Variants in TRAPPC9 observed in about 807,000 individuals in gnomAD.
TRAPPC9 encodes the protein trafficking protein particle complex subunit 9, also known as IKK2 binding protein.
A neutral mutation model predicts 124.0 loss-of-function variants in TRAPPC9; 83 were observed. The observed-to-expected ratio is 0.67, with a 90% CI of 0.56 to 0.80. The LOEUF is 0.80. Among genes scored for constraint, TRAPPC9 ranks in the 30% least tolerant of loss-of-function variants. TRAPPC9 has a pLI of 0.00. For missense variants in TRAPPC9, 1,302 were observed against 1,508.3 expected (o/e 0.86, Z 2.27); for synonymous variants, 638 against 617.5 (o/e 1.03, Z -0.49).
intron 17 of TRAPPC9, among the ~76,000 whole-genome samples, chr8:140,191,182 A>G (rs1277419809): frequency 1.3e-5 from 2 of 152,222 alleles, no homozygotes; most frequent in Non-Finnish European, 2.9e-5. Flanking sequence ...AGGGCCGACA[A>G]CGTGCCAGAT....
chr8:140,370,160 G>A (rs893259906), intron 8 of TRAPPC9, among the ~76,000 whole-genome samples: 1 of 150,416 alleles, frequency 6.6e-6, no homozygotes, highest in African/African-American at 2.4e-5. Context: ...GTTTTTTTTA[G>A]ATAAGGTCTT....
At chr8:139,827,099 G>C (rs1825692271) in intron 21 of TRAPPC9, among the ~76,000 whole-genome samples, 1 of 152,198 alleles carries the variant, frequency 6.6e-6, no homozygotes, top group Non-Finnish European at 1.5e-5. Flanking sequence ...TCTCACACCT[G>C]TTTGCCCATT....
At chr8:140,414,580 T>C (rs1173258536) in intron 5 of TRAPPC9, among the ~76,000 whole-genome samples, 1 of 152,166 alleles carries the variant, frequency 6.6e-6, no homozygotes, top group Non-Finnish European at 1.5e-5. Context: ...ATCATTTAAA[T>C]GTGTTCTCCA....
At chr8:139,759,597 C>A (rs553047099) in intron 21 of TRAPPC9, among the ~76,000 whole-genome samples, 1 of 152,234 alleles carries the variant, frequency 6.6e-6, no homozygotes, top group South Asian at 2.1e-4. Context: ...ACGAGCCTGG[C>A]GATTTTTCAG....
intron 17 of TRAPPC9, among the ~76,000 whole-genome samples, chr8:140,220,508 A>G (rs567695223): frequency 6.6e-6 from 1 of 152,174 alleles, no homozygotes; most frequent in Non-Finnish European, 1.5e-5. Context: ...TGCAGAGCCC[A>G]AAAGGGGAGA....
chr8:140,069,562 A>C (rs921666002), intron 17 of TRAPPC9, among the ~76,000 whole-genome samples: 1 of 151,180 alleles, frequency 6.6e-6, no homozygotes, highest in African/African-American at 2.4e-5. Flanking sequence ...TGTGGCCTGC[A>C]AATCACATTA....
chr8:140,023,521 G>A (rs1430757681), intron 18 of TRAPPC9, among the ~76,000 whole-genome samples: 1 of 152,202 alleles, frequency 6.6e-6, no homozygotes, highest in Non-Finnish European at 1.5e-5. Flanking sequence ...CATCTTATGG[G>A]GATGCCAGGA....
At chr8:140,405,361 TTC>T (rs2069452641) in intron 6 of TRAPPC9, 2 of 487,294 alleles carry the variant, frequency 4.1e-6, no homozygotes, top group Non-Finnish European at 7.2e-6. Context: ...AGAGCCTTTT[TTC>T]TCTCTTTTCC....
In TRAPPC9 at chr8:139,961,938, C is replaced by T. The variant is rs995337043; in HGVS notation, c.2810+26788G>A. ...GACCAGCTGCAGAGACAAATAACCC[C>T]TCTGCTGATAGCTGGAGATGATGGG... On this transcript the variant is annotated intron_variant, in intron 19 of 22. Transcript: ENST00000438773. 5.7e-4 allele frequency among the ~76,000 whole-genome samples: 71 copies of T among 124,090 alleles called. 10 individuals are homozygous for T. The highest frequency in any genetic ancestry group is 1.7e-3 in the African/African-American group (68 of 39,238). 81.4% of individuals were successfully genotyped at this position (124,090 alleles called of 152,430 possible).
chr8:140,250,446 C>A (rs1482634942), intron 16 of TRAPPC9, among the ~76,000 whole-genome samples: 1 of 152,148 alleles, frequency 6.6e-6, no homozygotes, highest in Non-Finnish European at 1.5e-5. Context: ...ACGTGGTCCC[C>A]CATTAGATGT....
At chr8:140,238,758 C>T (rs75904304) in intron 16 of TRAPPC9, among the ~76,000 whole-genome samples, 3 of 152,280 alleles carry the variant, frequency 2.0e-5, no homozygotes, top group South Asian at 2.1e-4. Context: ...CCTCTTGTGA[C>T]GAGGTAAAAG....
intron 19 of TRAPPC9, among the ~76,000 whole-genome samples, chr8:139,982,369 T>A (rs992747643): frequency 6.6e-6 from 1 of 152,202 alleles, no homozygotes; most frequent in Non-Finnish European, 1.5e-5. Context: ...TGCATGCCCC[T>A]GGTGGGTCTC....
At chr8:140,231,861 C>T (rs1452013055) in intron 16 of TRAPPC9, among the ~76,000 whole-genome samples, 1 of 152,016 alleles carries the variant, frequency 6.6e-6, no homozygotes, top group Non-Finnish European at 1.5e-5. Context: ...AGTAATTATT[C>T]CCACAGAAAA....
intron 17 of TRAPPC9, among the ~76,000 whole-genome samples, chr8:140,143,327 C>T (rs529821766): frequency 1.5e-3 from 234 of 152,324 alleles, no homozygotes; most frequent in African/African-American, 5.4e-3. Flanking sequence ...CTGCCCACTT[C>T]CCTGACTCCC....
chr8:140,231,709 C>G (rs569622111), intron 16 of TRAPPC9, among the ~76,000 whole-genome samples: 79 of 148,142 alleles, frequency 5.3e-4, no homozygotes, highest in Non-Finnish European at 9.9e-4. Context: ...TCTCTCTCCT[C>G]CACCACACAC....
chr8:140,077,595 T>C (rs1391766765), intron 17 of TRAPPC9, among the ~76,000 whole-genome samples: 1 of 151,854 alleles, frequency 6.6e-6, no homozygotes, highest in Non-Finnish European at 1.5e-5. Context: ...GGCAGATGCT[T>C]GCTGGGGGGA....
chr8:139,757,043 G>T (rs1819875210), intron 21 of TRAPPC9, among the ~76,000 whole-genome samples: 2 of 133,486 alleles, frequency 1.5e-5, no homozygotes, highest in Non-Finnish European at 1.6e-5. Context: ...CAGGTCGCAG[G>T]AGGAGCCAGG....
At chr8:139,951,866 A>G (rs547564118) in intron 19 of TRAPPC9, among the ~76,000 whole-genome samples, 1 of 152,376 alleles carries the variant, frequency 6.6e-6, no homozygotes, top group African/African-American at 2.4e-5. Context: ...CTTAAGGCCA[A>G]GCAGCAGGTG....
rs1428609991 is a variant in TRAPPC9 at position 139,885,096 on chromosome 8, G to A, written c.3055+783C>T. On this transcript the variant is annotated intron_variant, in intron 21 of 22. Transcript: ENST00000438773. ...TCACAATGACCTCTTGGGTAAAGAA[G>A]AGGAAGAAAGGGGATATGTATGCTT... is the stretch of plus-strand genomic sequence containing the variant. 7.2e-5 allele frequency among the ~76,000 whole-genome samples: 11 copies of A among 152,362 alleles called. 2 individuals carry two copies. Among genetic ancestry groups the A allele is most frequent in the Admixed American group, 7.2e-4 (11 of 15,310 alleles).
Sources: allele counts gnomAD v4.1 joint callset (sites outside exome capture counted in the v4.1 genomes callset), GRCh38; gene constraint gnomAD v4.1.1; transcripts MANE v1.5; gene names NCBI Gene and HGNC (gene_info 2026-07-23, HGNC 2026-07-21).